Variants in CNTN5 observed in about 807,000 individuals in gnomAD.
CNTN5 encodes the protein contactin-5.
In CNTN5, 77 loss-of-function variants were observed where a neutral mutation model predicts 129.1. That is an observed-to-expected ratio of 0.60 (90% confidence interval 0.50 to 0.72). The LOEUF (loss-of-function observed/expected upper bound fraction) is 0.72, where lower values mean the gene tolerates loss of function less well. Ranked by LOEUF, CNTN5 falls within the 30% of genes least tolerant of loss-of-function variation. The pLI is 0.00. For missense variants in CNTN5, 1,478 were observed against 1,328.8 expected, an observed-to-expected ratio of 1.11 and a Z score of -1.75; for synonymous variants, 509 against 465.6, an observed-to-expected ratio of 1.09 and a Z score of -1.20.
At chr11:99,763,573 G>A (rs1269754722) in intron 3 of CNTN5, among the ~76,000 whole-genome samples, 12 of 152,016 alleles carry the variant, frequency 7.9e-5, no homozygotes, top group Non-Finnish European at 1.3e-4. Context: ...CATCTACTCA[G>A]TATCTGAACA....
chr11:100,322,700 A>G (rs983449181), intron 21 of CNTN5, among the ~76,000 whole-genome samples: 2 of 152,168 alleles, frequency 1.3e-5, no homozygotes, highest in Non-Finnish European at 1.5e-5. Context: ...TAATCATGGT[A>G]TATTCCACTT....
chr11:99,364,780 G>A (rs1275293826), intron 2 of CNTN5, among the ~76,000 whole-genome samples: 2 of 152,132 alleles, frequency 1.3e-5, no homozygotes, highest in Non-Finnish European at 2.9e-5. Flanking sequence ...GATTGGTTGA[G>A]CTTCATGACC....
chr11:99,289,965 A>G (rs1555102478), intron 1 of CNTN5, among the ~76,000 whole-genome samples: 1 of 151,828 alleles, frequency 6.6e-6, no homozygotes, highest in Non-Finnish European at 1.5e-5. Context: ...CTTTTAAAAT[A>G]CAAATGCTTC....
intron 9 of CNTN5, among the ~76,000 whole-genome samples, chr11:100,023,943 T>A (rs1328810843): frequency 3.3e-5 from 5 of 152,190 alleles, no homozygotes; most frequent in Admixed American, 6.5e-5. Flanking sequence ...CAAATTTTGG[T>A]ACTTATGAAT....
chr11:99,098,186 G>A (rs1200410110), intron 1 of CNTN5, among the ~76,000 whole-genome samples: 1 of 152,038 alleles, frequency 6.6e-6, no homozygotes, highest in African/African-American at 2.4e-5. Context: ...ATCTCAAAGA[G>A]TTGGACTTTT....
chr11:99,710,159 C>T (rs1214328868), intron 3 of CNTN5, among the ~76,000 whole-genome samples: 5 of 151,940 alleles, frequency 3.3e-5, no homozygotes, highest in Admixed American at 6.6e-5. Context: ...CCAGTCGATA[C>T]GGTTCCATGT....
At chr11:99,030,512 T>G (rs1005977302) in intron 1 of CNTN5, among the ~76,000 whole-genome samples, 72 of 152,214 alleles carry the variant, frequency 4.7e-4, no homozygotes, top group African/African-American at 1.7e-3. Context: ...TTAATTTTGT[T>G]TTGTTGGGCT....
At chr11:99,100,446 T>C (rs1866671968) in intron 1 of CNTN5, among the ~76,000 whole-genome samples, 1 of 152,152 alleles carries the variant, frequency 6.6e-6, no homozygotes, top group Non-Finnish European at 1.5e-5. Flanking sequence ...AAATCCTAAA[T>C]ATATTGTTTT....
intron 3 of CNTN5, among the ~76,000 whole-genome samples, chr11:99,598,327 TCC>T (rs1403052108): frequency 0.18 from 4,141 of 23,200 alleles, 665 homozygotes; most frequent in South Asian, 0.26. Context: ...TTCTTTTCTG[TCC>T]CTCTCTCTCT....
In CNTN5 at chr11:99,165,529, AAT is replaced by A. The variant is rs1422853620; in HGVS notation, c.-210+144260_-210+144261del. ...AGGAAGGACACCAACTTTATTTTTA[AAT>A]GAACATTTATTTTTGTGCTAATGAG... On this transcript the variant is annotated intron_variant, in intron 1 of 24. Transcript: ENST00000524871. Among the ~76,000 whole-genome samples the A allele has an allele frequency of 3.9e-5, 6 of 152,284 alleles. No individual in the cohort carries two copies. In the East Asian group the frequency reaches 1.2e-3, roughly 29 times the overall value.
At chr11:99,301,819 G>GT (rs1469542124) in intron 1 of CNTN5, among the ~76,000 whole-genome samples, 2 of 151,652 alleles carry the variant, frequency 1.3e-5, no homozygotes, top group Non-Finnish European at 3.0e-5. Flanking sequence ...TAGATAGACC[G>GT]TAAGTTAGGC....
chr11:99,489,990 C>A (rs1945972989), intron 2 of CNTN5, among the ~76,000 whole-genome samples: 1 of 152,138 alleles, frequency 6.6e-6, no homozygotes, highest in African/African-American at 2.4e-5. Flanking sequence ...ATCCATTTAA[C>A]TCTTTTATTA....
chr11:99,554,448 T>C (rs1948602416), intron 2 of CNTN5, among the ~76,000 whole-genome samples: 1 of 152,078 alleles, frequency 6.6e-6, no homozygotes, highest in African/African-American at 2.4e-5. Context: ...CATGTATGTG[T>C]GTGCACATGA....
chr11:99,906,405 G>GT (rs1949507976), intron 6 of CNTN5, among the ~76,000 whole-genome samples: 1 of 152,100 alleles, frequency 6.6e-6, no homozygotes, highest in African/African-American at 2.4e-5. Context: ...TAATCATGTG[G>GT]TTTTTGTCAC....
chr11:99,448,086 T>A (rs1015959051), intron 2 of CNTN5, among the ~76,000 whole-genome samples: 1 of 152,098 alleles, frequency 6.6e-6, no homozygotes, highest in African/African-American at 2.4e-5. Context: ...AATAGTAAGT[T>A]AACATTATAT....
At chr11:99,432,540 C>A (rs1048109269) in intron 2 of CNTN5, among the ~76,000 whole-genome samples, 1 of 123,238 alleles carries the variant, frequency 8.1e-6, no homozygotes, top group Non-Finnish European at 1.7e-5. Flanking sequence ...TTTTTAGGGG[C>A]GAATGGGGTA....
At chr11:99,589,933 G>A (rs1256297077) in intron 3 of CNTN5, among the ~76,000 whole-genome samples, 1 of 152,252 alleles carries the variant, frequency 6.6e-6, no homozygotes, top group East Asian at 1.9e-4. Context: ...CATATTGTAT[G>A]CAGTGCATCC....
At position 99,912,288 on chromosome 11, in the gene CNTN5, A is replaced by G. The variant is rs569545121; in HGVS notation, c.578-3766A>G. 5.3e-5 allele frequency among the ~76,000 whole-genome samples: 8 copies of G among 152,144 alleles called. No individual in the cohort carries two copies. In the South Asian group the frequency reaches 1.7e-3, roughly 32 times the overall value. Reference sequence around the variant, plus strand: ...TTAGAGAAATAGTGTGAAGTGCTACATGGTAAATGTTCATGGTATGTTTTT... The same window carrying G: ...TTAGAGAAATAGTGTGAAGTGCTACGTGGTAAATGTTCATGGTATGTTTTT... On this transcript the variant is annotated intron_variant, in intron 6 of 24. Coordinates refer to ENST00000524871, the MANE Select transcript of CNTN5 (RefSeq NM_014361.4).
At chr11:99,530,195 A>G (rs1030160833) in intron 2 of CNTN5, among the ~76,000 whole-genome samples, 15 of 151,962 alleles carry the variant, frequency 9.9e-5, no homozygotes, top group Non-Finnish European at 1.5e-4. Flanking sequence ...AGATACCCTA[A>G]CTCCTTGGCC....
Sources: allele counts gnomAD v4.1 joint callset (sites outside exome capture counted in the v4.1 genomes callset), GRCh38; gene constraint gnomAD v4.1.1; transcripts MANE v1.5; gene names NCBI Gene and HGNC (gene_info 2026-07-23, HGNC 2026-07-21).